PRRG1: variants seen among roughly 807,000 people sequenced by gnomAD.
PRRG1 encodes transmembrane gamma-carboxyglutamic acid protein 1.
PRRG1 carries 5 observed loss-of-function variants against 11.8 expected under a neutral mutation model. The observed-to-expected ratio is 0.42, with a 90% CI of 0.22 to 0.89. The LOEUF (loss-of-function observed/expected upper bound fraction) is 0.89, where lower values mean the gene tolerates loss of function less well. Ranked by LOEUF, PRRG1 falls within the 40% of genes least tolerant of loss-of-function variation. The pLI, the probability that PRRG1 is intolerant of heterozygous loss-of-function variation, is 0.28. For missense variants in PRRG1, 155 were observed against 166.1 expected (o/e 0.93, Z 0.37); for synonymous variants, 66 against 60.4 (o/e 1.09, Z -0.43).
chrX:37,403,545 G>T (rs1477305942), intron 1 of PRRG1, among the ~76,000 whole-genome samples: 2 of 104,386 alleles, frequency 1.9e-5, no homozygotes, highest in African/African-American at 7.1e-5. Context: ...CGAGTTAATG[G>T]GTGCAGCACA....
intron 2 of PRRG1, among the ~76,000 whole-genome samples, chrX:37,417,980 C>G (rs1290026305): frequency 1.8e-5 from 2 of 112,018 alleles, no homozygotes; most frequent in Admixed American, 1.9e-4. Context: ...ATCCAATACA[C>G]TACTCCCACT....
intron 1 of PRRG1, among the ~76,000 whole-genome samples, chrX:37,350,157 G>A (rs984704914): frequency 3.6e-5 from 4 of 111,598 alleles, no homozygotes; most frequent in African/African-American, 1.3e-4. Context: ...TCACTGGTAG[G>A]AACAGCCCCA....
intron 3 of PRRG1, among the ~76,000 whole-genome samples, chrX:37,449,161 T>C (rs1921024328): frequency 9.0e-6 from 1 of 111,494 alleles, no homozygotes; most frequent in Admixed American, 9.6e-5. Context: ...AGGCAGCTTT[T>C]GGAGTTAGGA....
intron 2 of PRRG1, among the ~76,000 whole-genome samples, chrX:37,423,588 C>T (rs1175956606): frequency 1.8e-5 from 2 of 109,625 alleles, no homozygotes; most frequent in Non-Finnish European, 1.9e-5. Flanking sequence ...AGGCTGGTCT[C>T]GAACTCCTGG....
intron 3 of PRRG1, chrX:37,440,722 C>T (rs922263908): frequency 6.0e-5 from 30 of 496,899 alleles, no homozygotes; most frequent in East Asian, 1.1e-4. Flanking sequence ...ATTAGTTTTT[C>T]GTTAAAACTG....
intron 3 of PRRG1, among the ~76,000 whole-genome samples, chrX:37,433,807 CT>C (rs1380345517): frequency 1.8e-5 from 2 of 112,194 alleles, no homozygotes; most frequent in Non-Finnish European, 3.8e-5. Flanking sequence ...AGATAATAGA[CT>C]TTAAAATGGT....
At chrX:37,434,245 T>C (rs2036954596) in intron 3 of PRRG1, among the ~76,000 whole-genome samples, 1 of 112,301 alleles carries the variant, frequency 8.9e-6, no homozygotes, top group Admixed American at 9.4e-5. Flanking sequence ...GGAACACAAG[T>C]CTAATTATAC....
intron 2 of PRRG1, among the ~76,000 whole-genome samples, chrX:37,419,002 A>G (rs1343289579): frequency 1.8e-5 from 2 of 112,214 alleles, no homozygotes; most frequent in African/African-American, 6.5e-5. Context: ...GTTGTAATGT[A>G]TGACCTTGGT....
At chrX:37,388,193 T>C (rs1601990720) in intron 1 of PRRG1, among the ~76,000 whole-genome samples, 1 of 112,277 alleles carries the variant, frequency 8.9e-6, no homozygotes, top group South Asian at 3.7e-4. Context: ...TTTCAAGGGC[T>C]GATGTTGAGC....
chrX:37,350,130 T>C (rs1476881926), intron 1 of PRRG1, among the ~76,000 whole-genome samples: 2 of 110,894 alleles, frequency 1.8e-5, no homozygotes, highest in Non-Finnish European at 3.8e-5. Context: ...TCCTTCTTCC[T>C]GGTCCGCTGA....
At chrX:37,398,161 G>A (rs1185731904) in intron 1 of PRRG1, among the ~76,000 whole-genome samples, 1 of 111,214 alleles carries the variant, frequency 9.0e-6, no homozygotes, top group African/African-American at 3.3e-5. Context: ...ATCTGAGAAC[G>A]GGCAGACTGC....
intron 1 of PRRG1, among the ~76,000 whole-genome samples, chrX:37,384,335 T>A (rs928236170): frequency 9.0e-6 from 1 of 111,690 alleles, no homozygotes; most frequent in African/African-American, 3.3e-5. Context: ...TCTTGAGCTA[T>A]CTCCTATGTG....
At chrX:37,452,028 T>G (rs782699150) in intron 3 of PRRG1, among the ~76,000 whole-genome samples, 1 of 111,940 alleles carries the variant, frequency 8.9e-6, no homozygotes, top group African/African-American at 3.2e-5. Flanking sequence ...TGATGCCAGA[T>G]AATTAAATAA....
rs782022146 is a variant in PRRG1 at position 37,402,426 on chromosome X, C to T, written c.-41-3783C>T. ...AATAAGGGCTGGGAAAACTGGCTAG[C>T]GATAAGTAGAAAGCTGAAACTGGAT... On this transcript the variant is annotated intron_variant, in intron 1 of 3. Coordinates refer to ENST00000378628, the MANE Select transcript of PRRG1 (RefSeq NM_001142395.2). 7.2e-5 allele frequency among the ~76,000 whole-genome samples: 8 copies of T among 111,499 alleles called. No homozygotes were observed. The East Asian group carries it at 2.0e-3, about 27-fold the overall frequency.
intron 1 of PRRG1, among the ~76,000 whole-genome samples, chrX:37,354,039 G>A (rs1930155821): frequency 8.9e-6 from 1 of 112,411 alleles, no homozygotes; most frequent in Admixed American, 9.4e-5. Context: ...CCCTGTTTGA[G>A]CTCCAGTTCT....
intron 1 of PRRG1, among the ~76,000 whole-genome samples, chrX:37,354,319 C>A (rs1032251944): frequency 6.3e-5 from 7 of 111,113 alleles, no homozygotes; most frequent in African/African-American, 2.3e-4. Flanking sequence ...AACAAAAGAC[C>A]AAAAATTTAT....
At chrX:37,408,500 G>A (rs782065340) in intron 2 of PRRG1, among the ~76,000 whole-genome samples, 12 of 111,206 alleles carry the variant, frequency 1.1e-4, no homozygotes, top group Non-Finnish European at 1.9e-4. Context: ...GATATGTGGG[G>A]GTGGCCATGT....
chrX:37,448,239 C>A (rs1920994805), intron 3 of PRRG1, among the ~76,000 whole-genome samples: 1 of 112,259 alleles, frequency 8.9e-6, no homozygotes, highest in African/African-American at 3.2e-5. Flanking sequence ...CTAAAGAGCC[C>A]CAGTTGCAAA....
intron 3 of PRRG1, chrX:37,441,397 T>A: frequency 1.3e-6 from 1 of 754,358 alleles, no homozygotes; most frequent in Non-Finnish European, 1.6e-6. Context: ...AAGGAATGCA[T>A]CCCTCCCCAG....
Sources: gnomAD v4.1 joint callset for allele counts (sites outside exome capture counted in the v4.1 genomes callset) on GRCh38, gnomAD v4.1.1 for gene constraint, MANE v1.5 for transcripts, NCBI Gene and HGNC (gene_info 2026-07-23, HGNC 2026-07-21) for gene names.